Variants in FNBP1L observed in about 807,000 individuals in gnomAD.
FNBP1L encodes the protein formin binding protein 1 like, also known as formin-binding protein 1-like.
Under a neutral mutation model 91.2 loss-of-function variants are expected in FNBP1L, and 36 were observed. That is an observed-to-expected ratio of 0.39 (90% CI 0.30 to 0.52). The LOEUF is 0.52. Among genes scored for constraint, FNBP1L ranks in the 20% least tolerant of loss-of-function variants. FNBP1L has a pLI of 0.66. For synonymous variants in FNBP1L, 242 were observed against 237.0 expected (o/e 1.02, Z -0.19); for missense variants, 571 against 732.1 (o/e 0.78, Z 2.54).
chr1:93,488,812 C>T (rs957960237), intron 1 of FNBP1L, among the ~76,000 whole-genome samples: 6 of 152,050 alleles, frequency 3.9e-5, no homozygotes, highest in Non-Finnish European at 7.4e-5. Context: ...ACAGTTTATC[C>T]GAAGTAATAA....
At chr1:93,529,863 A>G in intron 6 of FNBP1L, 107 bp downstream of exon 6, 1 of 669,670 alleles carries the variant, frequency 1.5e-6, no homozygotes, top group Non-Finnish European at 2.5e-6. Flanking sequence ...CTTGAGATAC[A>G]CTGTATCTAA....
intron 5 of FNBP1L, among the ~76,000 whole-genome samples, chr1:93,524,581 C>CTT (rs34173735): frequency 0.031 from 3,468 of 113,406 alleles, 130 homozygotes; most frequent in African/African-American, 0.098. Flanking sequence ...TAAGGAGATT[C>CTT]TTTTTTTTTT....
At chr1:93,544,356 C>G in intron 12 of FNBP1L, 140 bp downstream of exon 12, 1 of 490,436 alleles carries the variant, frequency 2.0e-6, no homozygotes, top group Non-Finnish European at 3.3e-6. Flanking sequence ...TACTCCTACC[C>G]TGGAAATTTT....
Position 93,549,377 on chromosome 1 carries a change from T to C in FNBP1L, c.1602T>C (p.Asp534=). The C allele has an allele frequency of 6.2e-7, 1 of 1,612,650 alleles. No homozygotes were observed. Among genetic ancestry groups the C allele is most frequent in the Non-Finnish European group, 8.5e-7 (1 of 1,179,374 alleles). The part of the protein sequence containing the change: ...HNEFDDEFED[D]DPLPAIGHCK... Reference sequence around the variant, plus strand: ...AGTTTGATGATGAATTTGAGGATGATGATCCCTTGCCTGCTATTGGACACT... The same window carrying C: ...AGTTTGATGATGAATTTGAGGATGACGATCCCTTGCCTGCTATTGGACACT... The change falls in exon 15 of 17, where the codon GAT becomes GAC. Residue 534 remains aspartate, a synonymous_variant. Transcript: ENST00000271234.
intron 5 of FNBP1L, 135 bp downstream of exon 5, chr1:93,524,458 A>T (rs997950214): frequency 6.9e-6 from 4 of 581,426 alleles, no homozygotes; most frequent in Non-Finnish European, 1.1e-5. Flanking sequence ...GTATTATTGT[A>T]TAATAGTCAA....
intron 16 of FNBP1L, 188 bp downstream of exon 16, chr1:93,551,293 A>G: frequency 1.6e-6 from 2 of 1,256,748 alleles, no homozygotes; most frequent in South Asian, 3.4e-5. Context: ...CACAAGAAAC[A>G]TTTTGTGGCA....
intron 2 of FNBP1L, among the ~76,000 whole-genome samples, chr1:93,512,929 G>A (rs986590898): frequency 1.3e-5 from 2 of 151,834 alleles, no homozygotes; most frequent in Admixed American, 1.3e-4. Flanking sequence ...AATCAGAGCA[G>A]AACTGAAGGA....
At chr1:93,492,074 T>C (rs949236616) in intron 1 of FNBP1L, among the ~76,000 whole-genome samples, 2 of 152,210 alleles carry the variant, frequency 1.3e-5, no homozygotes, top group East Asian at 1.9e-4. Context: ...TACATAGATA[T>C]AGTCTAAGGT....
chr1:93,463,083 T>C (rs1407513617), intron 1 of FNBP1L, among the ~76,000 whole-genome samples: 1 of 152,206 alleles, frequency 6.6e-6, no homozygotes, highest in Non-Finnish European at 1.5e-5. Flanking sequence ...TTGCTCAGAT[T>C]ATTTCAGCTT....
intron 1 of FNBP1L, among the ~76,000 whole-genome samples, chr1:93,461,550 C>CA (rs59105240): frequency 0.15 from 21,930 of 145,644 alleles, 1,821 homozygotes; most frequent in East Asian, 0.32. Context: ...ATTTAAGGCG[C>CA]AAAAAAAAAA....
intron 1 of FNBP1L, among the ~76,000 whole-genome samples, chr1:93,454,981 T>C (rs1319827365): frequency 2.6e-5 from 4 of 152,180 alleles, no homozygotes; most frequent in Non-Finnish European, 5.9e-5. Flanking sequence ...CAGGCTGGAG[T>C]GCAGTGGTGT....
At chr1:93,456,602 CAAAAAAAAA>C (rs60167572) in intron 1 of FNBP1L, among the ~76,000 whole-genome samples, 2 of 53,374 alleles carry the variant, frequency 3.7e-5, no homozygotes, top group African/African-American at 1.2e-4. Context: ...CCTTCTCTAC[CAAAAAAAAA>C]AAAAAAAAAA....
chr1:93,537,607 C>T (rs1234605302), intron 10 of FNBP1L, among the ~76,000 whole-genome samples: 4 of 152,140 alleles, frequency 2.6e-5, no homozygotes, highest in Non-Finnish European at 5.9e-5. Context: ...CCTCCAGTGA[C>T]ATGAACTTCT....
At chr1:93,451,245 C>G (rs918122565) in intron 1 of FNBP1L, among the ~76,000 whole-genome samples, 1 of 152,114 alleles carries the variant, frequency 6.6e-6, no homozygotes, top group Non-Finnish European at 1.5e-5. Flanking sequence ...TTTCACAAAG[C>G]ACAGATTTTG....
intron 2 of FNBP1L, among the ~76,000 whole-genome samples, chr1:93,499,993 T>A (rs1208028529): frequency 2.0e-5 from 3 of 152,214 alleles, no homozygotes; most frequent in African/African-American, 7.2e-5. Context: ...TGTGCTGAGC[T>A]GAGTTTCTTT....
intron 11 of FNBP1L, among the ~76,000 whole-genome samples, chr1:93,541,807 TC>T (rs959780679): frequency 1.6e-4 from 24 of 152,294 alleles, no homozygotes; most frequent in African/African-American, 5.5e-4. Context: ...CTTCTGAACA[TC>T]CATAGGAAAT....
At chr1:93,457,906 C>T (rs1461063169) in intron 1 of FNBP1L, among the ~76,000 whole-genome samples, 1 of 151,850 alleles carries the variant, frequency 6.6e-6, no homozygotes. Context: ...ATTCTCCTGC[C>T]TCAGCCTCCC....
At chr1:93,499,410 A>G in intron 1 of FNBP1L, 58 bp from the exon 2 acceptor site, 1 of 1,115,446 alleles carries the variant, frequency 9.0e-7, no homozygotes, top group South Asian at 1.4e-5. Context: ...AGCTGTTAAA[A>G]ATATCTGTGG....
intron 12 of FNBP1L, among the ~76,000 whole-genome samples, chr1:93,546,256 G>A (rs1672231751): frequency 6.6e-6 from 1 of 152,084 alleles, no homozygotes; most frequent in South Asian, 2.1e-4. Context: ...AAGGAAAAGA[G>A]TATTAAGGAG....
Sources: gnomAD v4.1 joint callset for allele counts (sites outside exome capture counted in the v4.1 genomes callset) on GRCh38, gnomAD v4.1.1 for gene constraint, MANE v1.5 for transcripts, NCBI Gene and HGNC (gene_info 2026-07-23, HGNC 2026-07-21) for gene names.